SOX6: variants seen among roughly 807,000 people sequenced by gnomAD.
SOX6 encodes SRY-box transcription factor 6.
In SOX6, 11 loss-of-function variants were observed where a neutral mutation model predicts 97.8. The observed-to-expected ratio is 0.11, with a 90% CI of 0.07 to 0.19. SOX6 has a LOEUF of 0.19. Ranked by LOEUF, SOX6 falls within the 10% of genes least tolerant of loss-of-function variation. SOX6 has a pLI of 1.00. For missense variants in SOX6, 810 were observed against 1,039.5 expected (o/e 0.78, Z 3.04); for synonymous variants, 360 against 371.4 (o/e 0.97, Z 0.35).
intron 3 of SOX6, among the ~76,000 whole-genome samples, chr11:16,708,529 T>C (rs1408150499): frequency 6.6e-6 from 1 of 152,252 alleles, no homozygotes; most frequent in Non-Finnish European, 1.5e-5. Context: ...ATAATATATC[T>C]TATGCTTTCA....
chr11:16,181,537 A>G (rs1383398689), intron 6 of SOX6, among the ~76,000 whole-genome samples: 1 of 145,792 alleles, frequency 6.9e-6, no homozygotes, highest in East Asian at 2.1e-4. Flanking sequence ...ATATTTGAAA[A>G]TATAGTTACC....
At chr11:16,655,840 G>C (rs906808029) in intron 3 of SOX6, among the ~76,000 whole-genome samples, 1 of 151,888 alleles carries the variant, frequency 6.6e-6, no homozygotes, top group Non-Finnish European at 1.5e-5. Context: ...TTCTGGCCAG[G>C]CGTGGTGGCA....
At chr11:16,542,702 G>A (rs894343405) in intron 4 of SOX6, among the ~76,000 whole-genome samples, 1 of 152,094 alleles carries the variant, frequency 6.6e-6, no homozygotes, top group Non-Finnish European at 1.5e-5. Context: ...TTCAGAACCA[G>A]TTATGCAGCT....
chr11:16,383,864 T>TA (rs944301806), intron 1 of SOX6, among the ~76,000 whole-genome samples: 5 of 151,794 alleles, frequency 3.3e-5, no homozygotes, highest in African/African-American at 1.2e-4. Context: ...GCAAAAACAC[T>TA]AATTACAGAG....
chr11:16,713,955 T>C (rs370755202), intron 3 of SOX6, among the ~76,000 whole-genome samples: 1 of 152,174 alleles, frequency 6.6e-6, no homozygotes, highest in Non-Finnish European at 1.5e-5. Flanking sequence ...ATTCTGCCCA[T>C]GTGTGAATAT....
chr11:16,538,294 C>T (rs531907983), intron 4 of SOX6, among the ~76,000 whole-genome samples: 71 of 152,278 alleles, frequency 4.7e-4, no homozygotes, highest in African/African-American at 1.6e-3. Context: ...TTGTCACCAC[C>T]AGCCCTGCCT....
At chr11:16,413,037 T>C (rs1858853734) in intron 1 of SOX6, among the ~76,000 whole-genome samples, 1 of 152,212 alleles carries the variant, frequency 6.6e-6, no homozygotes, top group Non-Finnish European at 1.5e-5. Context: ...GAACAAATGC[T>C]GCATAGTGAA....
chr11:16,700,790 T>C (rs1367305111), intron 3 of SOX6, among the ~76,000 whole-genome samples: 2 of 152,176 alleles, frequency 1.3e-5, no homozygotes, highest in Non-Finnish European at 2.9e-5. Context: ...AGGATGATAA[T>C]GGCTTCCTGC....
At chr11:16,058,560 A>C (rs1248810562) in intron 9 of SOX6, among the ~76,000 whole-genome samples, 1 of 152,108 alleles carries the variant, frequency 6.6e-6, no homozygotes, top group African/African-American at 2.4e-5. Context: ...TCATTGGGAA[A>C]TCACAAATAT....
At chr11:16,340,553 G>A (rs568808794) in intron 2 of SOX6, among the ~76,000 whole-genome samples, 31 of 152,104 alleles carry the variant, frequency 2.0e-4, no homozygotes, top group African/African-American at 7.5e-4. Context: ...TTTATTATAA[G>A]TCAAGAATGA....
chr11:16,094,389 A>C (rs1157896808), intron 9 of SOX6, among the ~76,000 whole-genome samples: 1 of 151,862 alleles, frequency 6.6e-6, no homozygotes, highest in Non-Finnish European at 1.5e-5. Flanking sequence ...AACCTGGCTA[A>C]GGGAAGATTG....
chr11:16,179,134 G>GA (rs1326834292), intron 6 of SOX6, among the ~76,000 whole-genome samples: 4 of 151,872 alleles, frequency 2.6e-5, no homozygotes, highest in Non-Finnish European at 5.9e-5. Flanking sequence ...GCAGATACCT[G>GA]AAATGCCTGT....
At chr11:16,715,766 A>G (rs1590062295) in intron 2 of SOX6, among the ~76,000 whole-genome samples, 1 of 152,290 alleles carries the variant, frequency 6.6e-6, no homozygotes, top group African/African-American at 2.4e-5. Context: ...GATTAAAACA[A>G]TAGTTTAATG....
At chr11:16,727,286 CTTGCTTTTT>C (rs1848313521) in intron 2 of SOX6, among the ~76,000 whole-genome samples, 1 of 136,588 alleles carries the variant, frequency 7.3e-6, no homozygotes, top group African/African-American at 2.7e-5. Context: ...CTATATTCAC[CTTGCTTTTT>C]TTTTTTTTTT....
intron 3 of SOX6, among the ~76,000 whole-genome samples, chr11:16,247,380 G>T (rs1029102499): frequency 5.9e-5 from 9 of 152,142 alleles, no homozygotes; most frequent in Non-Finnish European, 1.3e-4. Context: ...ATATGGAAAT[G>T]CAGACATCTC....
intron 4 of SOX6, among the ~76,000 whole-genome samples, chr11:16,522,985 T>A (rs560165777): frequency 1.7e-4 from 26 of 152,182 alleles, no homozygotes; most frequent in African/African-American, 5.8e-4. Context: ...ATAAAGCAAG[T>A]CCTTAGAGAC....
Position 16,562,340 on chromosome 11 carries a change from G to A in SOX6, n.609+49741C>T, listed in dbSNP as rs556806679. Among the ~76,000 whole-genome samples the A allele has an allele frequency of 2.6e-5, 4 of 152,202 alleles. No individual in the cohort carries two copies. In the South Asian group the frequency reaches 6.2e-4, roughly 24 times the overall value. ...TGAATTTCCTAGGTTTTCTTTTCGC[G>A]TTGTGTATACCAGACTTGGAGCTAA... On this transcript the variant is annotated intron_variant and non_coding_transcript_variant, in intron 4 of 5. Transcript: ENST00000524520.
chr11:16,453,374 C>T (rs892459134), intron 1 of SOX6, among the ~76,000 whole-genome samples: 1 of 151,962 alleles, frequency 6.6e-6, no homozygotes, highest in African/African-American at 2.4e-5. Flanking sequence ...CATCTTATAA[C>T]CCCTGTGTAG....
chr11:16,371,150 C>A (rs918334859), intron 1 of SOX6, among the ~76,000 whole-genome samples: 15 of 152,000 alleles, frequency 9.9e-5, no homozygotes, highest in African/African-American at 3.6e-4. Flanking sequence ...TATTTCCCCC[C>A]TTCACTCATT....
Sources: allele counts gnomAD v4.1 joint callset (sites outside exome capture counted in the v4.1 genomes callset), GRCh38; gene constraint gnomAD v4.1.1; transcripts MANE v1.5; gene names NCBI Gene and HGNC (gene_info 2026-07-23, HGNC 2026-07-21).